The following TYW5 variants were observed in gnomAD, a reference collection of about 807,000 sequenced individuals.
TYW5 encodes tRNA wybutosine-synthesizing protein 5.
Under a neutral mutation model 44.4 loss-of-function variants are expected in TYW5, and 36 were observed. The observed-to-expected ratio is 0.81, with a 90% CI of 0.62 to 1.07. The LOEUF (loss-of-function observed/expected upper bound fraction) is 1.07, where lower values mean the gene tolerates loss of function less well. TYW5 is among the 50% of genes least tolerant of loss of function. TYW5 has a pLI of 0.00. For synonymous variants in TYW5, 121 were observed against 128.1 expected (o/e 0.94, Z 0.37); for missense variants, 354 against 365.7 (o/e 0.97, Z 0.26).
Position 199,936,502 on chromosome 2 carries a change from A to G in TYW5, c.487-10T>C, listed in dbSNP as rs756890713. On this transcript the variant is annotated splice_polypyrimidine_tract_variant and intron_variant, in intron 5 of 7. Coordinates refer to ENST00000354611, the MANE Select transcript of TYW5 (RefSeq NM_001039693.3). ...ACAAATTATCCATTACCTGAAGACC[A>G]ATAAAAGCTTATGGGTAATCATTAT... 1 of 1,604,862 alleles carries G rather than the reference A, an allele frequency of 6.2e-7. No individual in the cohort carries two copies. Among genetic ancestry groups the G allele is most frequent in the Admixed American group, 1.7e-5 (1 of 59,366 alleles).
Position 199,932,884 on chromosome 2 carries a change from A to G in TYW5, c.*183T>C. The G allele has an allele frequency of 6.0e-6, 4 of 664,796 alleles. No individual in the cohort carries two copies. The highest frequency in any genetic ancestry group is 4.8e-6 in the Non-Finnish European group (2 of 414,830). 41.2% of individuals were successfully genotyped at this position (664,796 alleles called of 1,614,324 possible). A position where few individuals can be genotyped will look rare whatever the true frequency, so the allele number is the denominator to read the frequency against. On this transcript the variant is annotated 3_prime_UTR_variant, in exon 8 of 8. Coordinates refer to ENST00000354611, the MANE Select transcript of TYW5 (RefSeq NM_001039693.3). ...TTAGTGGTCAGCATCTGAATGTTAA[A>G]GAGTGGTCCCAGCACAGCATTCTTT...
chr2:199,944,010 G>A (rs1232993437), intron 2 of TYW5, 176 bp from the exon 3 acceptor site: 5 of 497,566 alleles, frequency 1.0e-5, no homozygotes, highest in Non-Finnish European at 1.1e-5. Context: ...TTATTGAGCA[G>A]TATGTTTACT....
rs2077381747 is a variant in TYW5, at chr2:199,931,997, C to CTA, written c.*1068_*1069dup. 6.9e-6 allele frequency: 1 copy of CTA among 145,496 alleles called. No individual in the cohort carries two copies. The highest frequency in any genetic ancestry group is 7.2e-5 in the Admixed American group (1 of 13,920). The allele number at this position is 145,496 out of a possible 1,614,324, so 9.0% of individuals were successfully genotyped here. A position where few individuals can be genotyped will look rare whatever the true frequency, so the allele number is the denominator to read the frequency against. On this transcript the variant is annotated 3_prime_UTR_variant, in exon 8 of 8. Transcript: ENST00000354611. ...GAAAAAATAGTTGGGAAATCTTTAA[C>CTA]TAGGCTAAGGTTTAGACATAGGTAT...
rs2077361674 is a variant in TYW5 at position 199,929,936 on chromosome 2, G to A, written c.*3131C>T. On this transcript the variant is annotated 3_prime_UTR_variant, in exon 8 of 8. Transcript: ENST00000354611. The stretch of plus-strand genomic sequence containing the variant: ...GCCTCCCAAGATGCTGGGACTACAG[G>A]TGTGGACCACCACTCCCCAGCTCTG... 1 of 151,912 alleles carries A rather than the reference G, an allele frequency of 6.6e-6. No individual in the cohort carries two copies. The highest frequency in any genetic ancestry group is 1.5e-5 in the Non-Finnish European group (1 of 68,708). The allele number at this position is 151,912 out of a possible 1,614,324, so 9.4% of individuals were successfully genotyped here.
At chr2:199,941,419 T>C (rs1331056223) in intron 3 of TYW5, among the ~76,000 whole-genome samples, 1 of 152,234 alleles carries the variant, frequency 6.6e-6, no homozygotes, top group Non-Finnish European at 1.5e-5. Flanking sequence ...AGAAGTGAGA[T>C]ATACCAAGTC....
intron 1 of TYW5, among the ~76,000 whole-genome samples, chr2:199,950,237 G>A (rs373245235): frequency 2.0e-5 from 3 of 152,166 alleles, no homozygotes; most frequent in Admixed American, 1.3e-4. Flanking sequence ...ACAGGTGTAC[G>A]TATGAACCAT....
intron 5 of TYW5, among the ~76,000 whole-genome samples, chr2:199,938,007 C>A (rs559166533): frequency 6.6e-6 from 1 of 151,958 alleles, no homozygotes; most frequent in Non-Finnish European, 1.5e-5. Flanking sequence ...GTTTTTAAAA[C>A]GCTTATAGAT....
intron 5 of TYW5, among the ~76,000 whole-genome samples, chr2:199,938,256 G>C (rs1366153872): frequency 1.3e-5 from 2 of 151,950 alleles, no homozygotes; most frequent in Admixed American, 6.6e-5. Context: ...AGTAGGTACG[G>C]GGTTTCACCG....
intron 4 of TYW5, 122 bp from the exon 5 acceptor site, chr2:199,939,192 ATCTCTC>A (rs751643465): frequency 3.7e-6 from 3 of 821,720 alleles, no homozygotes; most frequent in South Asian, 5.1e-5. Flanking sequence ...CCAATACATG[ATCTCTC>A]TCTCTCTATC....
At chr2:199,939,121 T>C (rs1404748024) in intron 4 of TYW5, 51 bp from the exon 5 acceptor site, 2 of 1,517,778 alleles carry the variant, frequency 1.3e-6, no homozygotes, top group Non-Finnish European at 1.8e-6. Flanking sequence ...CCCTATGATA[T>C]TAAGGAAGAC....
At chr2:199,935,879 G>A (rs2077416540) in intron 7 of TYW5, 52 bp downstream of exon 7, 2 of 1,155,966 alleles carry the variant, frequency 1.7e-6, no homozygotes, top group South Asian at 1.3e-5. Context: ...AAGGATGAGT[G>A]ACAGAGTACA....
intron 1 of TYW5, among the ~76,000 whole-genome samples, chr2:199,953,002 A>C (rs1056723931): frequency 2.0e-5 from 3 of 152,174 alleles, no homozygotes; most frequent in African/African-American, 7.2e-5. Flanking sequence ...AGTATACCCT[A>C]ATATAAACTA....
intron 2 of TYW5, chr2:199,946,231 G>A (rs1034685170): frequency 2.0e-5 from 3 of 152,126 alleles, no homozygotes; most frequent in African/African-American, 7.2e-5. Flanking sequence ...TATATAATAA[G>A]TACTCAGTAA....
intron 3 of TYW5, among the ~76,000 whole-genome samples, chr2:199,941,428 TCAAGCA>T (rs2077464017): frequency 3.3e-5 from 5 of 152,174 alleles, no homozygotes; most frequent in Admixed American, 3.3e-4. Flanking sequence ...ATATACCAAG[TCAAGCA>T]CTTGGGCAAT....
chr2:199,946,954 A>G (rs1338907471), intron 2 of TYW5: 1 of 152,216 alleles, frequency 6.6e-6, no homozygotes, highest in African/African-American at 2.4e-5. Context: ...TTCAGTACTC[A>G]TTTGTTATGG....
At chr2:199,950,944 C>G (rs201825612) in intron 1 of TYW5, among the ~76,000 whole-genome samples, 2 of 152,318 alleles carry the variant, frequency 1.3e-5, no homozygotes, top group East Asian at 3.9e-4. Flanking sequence ...GAGCTCCTTA[C>G]AATTTTCCAT....
chr2:199,953,662 T>C, intron 1 of TYW5, among the ~76,000 whole-genome samples: 1 of 152,244 alleles, frequency 6.6e-6, no homozygotes, highest in East Asian at 1.9e-4. Context: ...GTGTTAATTA[T>C]GGAGTTATTA....
intron 1 of TYW5, 74 bp from the exon 2 acceptor site, chr2:199,948,546 GGAGA>G: frequency 6.7e-7 from 1 of 1,496,212 alleles, no homozygotes; most frequent in South Asian, 1.2e-5. Context: ...TTGGCAACAG[GGAGA>G]CAAAAACAAG....
chr2:199,949,484 G>C (rs1289620901), intron 1 of TYW5, among the ~76,000 whole-genome samples: 1 of 152,114 alleles, frequency 6.6e-6, no homozygotes, highest in African/African-American at 2.4e-5. Flanking sequence ...TCCTAACCCA[G>C]AATTCAATCT....
Sources: gnomAD v4.1 joint callset for allele counts (sites outside exome capture counted in the v4.1 genomes callset) on GRCh38, gnomAD v4.1.1 for gene constraint, MANE v1.5 for transcripts, NCBI Gene and HGNC (gene_info 2026-07-23, HGNC 2026-07-21) for gene names.